The following RBFOX1 variants were observed in gnomAD, a reference collection of about 807,000 sequenced individuals.
The protein encoded by RBFOX1 is RNA binding fox-1 homolog 1, also known as RNA binding protein fox-1 homolog 1.
A neutral mutation model predicts 57.7 loss-of-function variants in RBFOX1; 8 were observed. The ratio of observed to expected loss-of-function variants is 0.14; its 90% CI spans 0.08 to 0.25. The LOEUF (loss-of-function observed/expected upper bound fraction) is 0.25. RBFOX1 is among the 10% of genes least tolerant of loss of function. The pLI is 1.00. For synonymous variants in RBFOX1, 326 were observed against 222.4 expected (o/e 1.47, Z -4.15); for missense variants, 611 against 548.5 (o/e 1.11, Z -1.14).
At chr16:5,966,198 T>G (rs76702839) in intron 4 of RBFOX1, among the ~76,000 whole-genome samples, 4,680 of 152,240 alleles carry the variant, frequency 0.031, 246 homozygotes, top group African/African-American at 0.11. Context: ...CCGTGAGTGA[T>G]GCATATAGAA....
intron 4 of RBFOX1, among the ~76,000 whole-genome samples, chr16:5,965,069 G>T (rs1255248618): frequency 6.6e-6 from 1 of 152,040 alleles, no homozygotes; most frequent in Admixed American, 6.6e-5. Flanking sequence ...TCACTTATAC[G>T]TAGAATCTAA....
intron 4 of RBFOX1, among the ~76,000 whole-genome samples, chr16:7,083,266 A>G (rs1362711641): frequency 6.6e-6 from 1 of 151,956 alleles, no homozygotes; most frequent in African/African-American, 2.4e-5. Context: ...CCCACACTTG[A>G]TTAATGGGAA....
At chr16:7,356,279 A>C (rs1016436869) in intron 4 of RBFOX1, among the ~76,000 whole-genome samples, 9 of 152,202 alleles carry the variant, frequency 5.9e-5, no homozygotes, top group Non-Finnish European at 4.4e-5. Flanking sequence ...GGAGGCCCAC[A>C]CAGGCATCAT....
chr16:7,335,584 G>GAAA (rs959362612), intron 4 of RBFOX1, among the ~76,000 whole-genome samples: 16 of 74,664 alleles, frequency 2.1e-4, no homozygotes, highest in South Asian at 5.0e-4. Context: ...CTCAGATAAA[G>GAAA]AAAAAAAAAA....
At chr16:6,400,463 G>A (rs929499716) in intron 2 of RBFOX1, among the ~76,000 whole-genome samples, 6 of 152,164 alleles carry the variant, frequency 3.9e-5, no homozygotes, top group South Asian at 2.1e-4. Context: ...TATAGCTATA[G>A]ATGCTGTAAA....
intron 2 of RBFOX1, among the ~76,000 whole-genome samples, chr16:6,542,727 C>T (rs1039633060): frequency 6.7e-6 from 1 of 149,572 alleles, no homozygotes; most frequent in African/African-American, 2.5e-5. Flanking sequence ...CTCCTGACCT[C>T]GTGATCTGCC....
chr16:6,560,049 C>G (rs769904917), intron 2 of RBFOX1, among the ~76,000 whole-genome samples: 4 of 152,042 alleles, frequency 2.6e-5, no homozygotes, highest in Non-Finnish European at 2.9e-5. Flanking sequence ...TAAAATCATC[C>G]ACACTTTCCC....
intron 1 of RBFOX1, among the ~76,000 whole-genome samples, chr16:6,159,977 A>G (rs1269493883): frequency 6.6e-6 from 1 of 152,186 alleles, no homozygotes; most frequent in African/African-American, 2.4e-5. Flanking sequence ...AGGGAACCTG[A>G]GACTTACTTA....
chr16:6,388,484 ATTT>A (rs898303258), intron 2 of RBFOX1, among the ~76,000 whole-genome samples: 2 of 152,046 alleles, frequency 1.3e-5, no homozygotes, highest in African/African-American at 4.8e-5. Context: ...ATTATTTATT[ATTT>A]TTAATTAATT....
chr16:7,050,150 T>C (rs1490454898), intron 3 of RBFOX1, among the ~76,000 whole-genome samples: 1 of 129,810 alleles, frequency 7.7e-6, no homozygotes, highest in African/African-American at 3.9e-5. Context: ...TAATTCAATG[T>C]GGGCTTTTTT....
intron 3 of RBFOX1, among the ~76,000 whole-genome samples, chr16:6,902,278 T>G (rs902360747): frequency 6.6e-6 from 1 of 152,182 alleles, no homozygotes; most frequent in Non-Finnish European, 1.5e-5. Flanking sequence ...TTGTTTCCAC[T>G]GTGTTCCTTA....
intron 4 of RBFOX1, among the ~76,000 whole-genome samples, chr16:5,956,674 A>ATTTTTTTTT (rs1479571823): frequency 1.2e-3 from 111 of 89,196 alleles, no homozygotes; most frequent in East Asian, 4.4e-3. Context: ...ATATATATAT[A>ATTTTTTTTT]TATATTTTTT....
chr16:5,346,285 G>T (rs2065137872), intron 1 of RBFOX1, among the ~76,000 whole-genome samples: 1 of 152,206 alleles, frequency 6.6e-6, no homozygotes, highest in African/African-American at 2.4e-5. Flanking sequence ...TAGAGCTGTG[G>T]TGAGAATGAC....
At chr16:7,640,386 T>C (rs575235835) in intron 11 of RBFOX1, among the ~76,000 whole-genome samples, 1 of 152,334 alleles carries the variant, frequency 6.6e-6, no homozygotes, top group Non-Finnish European at 1.5e-5. Context: ...TGATTTTCAT[T>C]TTTTCAGATG....
intron 2 of RBFOX1, among the ~76,000 whole-genome samples, chr16:6,550,140 C>T (rs1341856271): frequency 1.3e-5 from 2 of 152,064 alleles, no homozygotes; most frequent in Non-Finnish European, 2.9e-5. Context: ...TCTCCCTCCC[C>T]TCTCTCTATC....
chr16:5,250,467 CTG>C (rs1163840604), intron 1 of RBFOX1, among the ~76,000 whole-genome samples: 3 of 152,216 alleles, frequency 2.0e-5, no homozygotes, highest in Admixed American at 2.0e-4. Context: ...GTTCCCCTCT[CTG>C]TGTCCATGTG....
chr16:5,552,242 T>C (rs549633691), intron 2 of RBFOX1, among the ~76,000 whole-genome samples: 2 of 152,328 alleles, frequency 1.3e-5, no homozygotes, highest in East Asian at 3.9e-4. Context: ...TCTTTTCCCC[T>C]GGGTTAAGAG....
intron 4 of RBFOX1, among the ~76,000 whole-genome samples, chr16:7,354,483 GA>G: frequency 6.6e-6 from 1 of 152,246 alleles, no homozygotes; most frequent in South Asian, 2.1e-4. Context: ...CACCAGCTGA[GA>G]CTGTCCTTCA....
At chr16:7,066,593 C>G (rs970558653) in intron 4 of RBFOX1, among the ~76,000 whole-genome samples, 1 of 152,154 alleles carries the variant, frequency 6.6e-6, no homozygotes, top group Non-Finnish European at 1.5e-5. Context: ...CTTCTTGACC[C>G]TGACTCATAA....
Sources: gnomAD v4.1 joint callset for allele counts (sites outside exome capture counted in the v4.1 genomes callset) on GRCh38, gnomAD v4.1.1 for gene constraint, MANE v1.5 for transcripts, NCBI Gene and HGNC (gene_info 2026-07-23, HGNC 2026-07-21) for gene names.